Variants in ABL2 observed in about 807,000 individuals in gnomAD.
ABL2 encodes ABL proto-oncogene 2, non-receptor tyrosine kinase.
ABL2 carries 49 observed loss-of-function variants against 107.7 expected under a neutral mutation model. The ratio of observed to expected loss-of-function variants is 0.45; its 90% CI spans 0.36 to 0.58. The LOEUF is 0.58. Among genes scored for constraint, ABL2 ranks in the 20% least tolerant of loss-of-function variants. The probability of loss-of-function intolerance (pLI) is 0.00; values close to 1 mark genes in which losing one functional copy is unlikely to be tolerated. For missense variants in ABL2, 1,245 were observed against 1,457.0 expected, an observed-to-expected ratio of 0.85 and a Z score of 2.37; for synonymous variants, 549 against 548.6, an observed-to-expected ratio of 1.00 and a Z score of -0.01.
chr1:179,201,985 C>T (rs1205652283), intron 1 of ABL2: 6 of 1,029,560 alleles, frequency 5.8e-6, no homozygotes, highest in African/African-American at 1.7e-5. Context: ...CGAGGAACAG[C>T]AGGAGAGGAG....
At chr1:179,191,865 TACTC>T (rs1431840720) in intron 1 of ABL2, among the ~76,000 whole-genome samples, 6 of 152,220 alleles carry the variant, frequency 3.9e-5, no homozygotes, top group Admixed American at 3.3e-4. Flanking sequence ...ATGGAACAAT[TACTC>T]AATTGAAATG....
intron 1 of ABL2, among the ~76,000 whole-genome samples, chr1:179,204,184 G>A (rs778050371): frequency 2.6e-5 from 4 of 151,748 alleles, no homozygotes; most frequent in East Asian, 3.9e-4. Flanking sequence ...GCGCCATCAC[G>A]CCCAGCTAAT....
At chr1:179,200,755 G>A (rs1156691346) in intron 1 of ABL2, among the ~76,000 whole-genome samples, 2 of 152,164 alleles carry the variant, frequency 1.3e-5, no homozygotes, top group African/African-American at 4.8e-5. Context: ...GCACATAGTT[G>A]TACTCATGGC....
intron 1 of ABL2, among the ~76,000 whole-genome samples, chr1:179,136,328 G>A (rs755765441): frequency 0.022 from 3,323 of 151,858 alleles, 66 homozygotes; most frequent in Middle Eastern, 0.054. Flanking sequence ...TGTAGAAAGA[G>A]GTAGACATGG....
In ABL2 at chr1:179,106,507, G is replaced by A. The variant is rs1355117176; in HGVS notation, c.*1211C>T. The A allele has an allele frequency of 4.3e-6, 1 of 232,980 alleles. No homozygotes were observed. Among genetic ancestry groups the A allele is most frequent in the African/African-American group, 2.2e-5 (1 of 45,332 alleles). The allele number at this position is 232,980 out of a possible 1,614,324, so 14.4% of individuals were successfully genotyped here. A position where few individuals can be genotyped will look rare whatever the true frequency, so the allele number is the denominator to read the frequency against. On this transcript the variant is annotated 3_prime_UTR_variant, in exon 12 of 12. Transcript: ENST00000502732. ...TGGGTGGGGGAGTAGGGAGGAATAT[G>A]TGAGAGAAGAAAAGCATGTGAGAAT...
intron 8 of ABL2, 86 bp from the exon 9 acceptor site, chr1:179,115,116 G>T (rs1346043157): frequency 1.5e-6 from 2 of 1,331,714 alleles, no homozygotes. Context: ...TCATATTTTA[G>T]GTAACATTCA....
chr1:179,143,087 G>C (rs531703693), intron 1 of ABL2: 1 of 1,601,892 alleles, frequency 6.2e-7, no homozygotes, highest in Non-Finnish European at 8.5e-7. Context: ...TCTGTGTAAA[G>C]AGGAAGTCTT....
chr1:179,132,525 GATTATT>G (rs28914514), intron 2 of ABL2, among the ~76,000 whole-genome samples: 3 of 151,378 alleles, frequency 2.0e-5, no homozygotes, highest in Admixed American at 6.6e-5. Context: ...TGATTATTAT[GATTATT>G]ATTATTATTA....
rs769266022 is a variant in ABL2 at position 179,109,429 on chromosome 1, C to T, written c.1838G>A (p.Gly613Asp). The T allele has an allele frequency of 1.1e-5, 17 of 1,611,390 alleles. No individual in the cohort carries two copies. Among genetic ancestry groups the T allele is most frequent in the Admixed American group, 3.4e-5 (2 of 59,400 alleles). ...TGGGGATCCACTAGAGGCCTGTGCA[C>T]CTCTGATGAACCCTGATGAGAAATG... is the stretch of plus-strand genomic sequence containing the variant. ...ASSLAPGFIR[G>D]AQASSGSPAL... The change falls in exon 12 of 12, where the codon GGT becomes GAT. Residue 613 changes from glycine to aspartate, a missense_variant. This residue lies in a region of ABL2 where 761 missense variants were observed against 766.4 expected (regional missense o/e 0.99). Coordinates refer to ENST00000502732, the MANE Select transcript of ABL2 (RefSeq NM_007314.4).
chr1:179,125,168 G>C (rs1655620280), intron 4 of ABL2, among the ~76,000 whole-genome samples: 1 of 152,194 alleles, frequency 6.6e-6, no homozygotes, highest in Non-Finnish European at 1.5e-5. Context: ...GCACTGCCTA[G>C]TAATAGAAAC....
At position 179,106,686 on chromosome 1, in the gene ABL2, A is replaced by G. The variant is rs2102569272; in HGVS notation, c.*1032T>C. ...TTTTCCTCTCAGTCACATACAGGCC[A>G]CTGGGTTTCAAGAAAAGACCATCTC... On this transcript the variant is annotated 3_prime_UTR_variant, in exon 12 of 12. Transcript: ENST00000502732. 4.3e-6 allele frequency: 1 copy of G among 232,168 alleles called. No individual in the cohort carries two copies. The highest frequency in any genetic ancestry group is 1.8e-4 in the South Asian group (1 of 5,516). 14.4% of individuals were successfully genotyped at this position (232,168 alleles called of 1,614,324 possible).
rs551679786 is a variant in ABL2 at position 179,179,101 on chromosome 1, G to A, written c.158-45727C>T. On this transcript the variant is annotated intron_variant, in intron 1 of 11. Transcript: ENST00000502732. ...ATTAACAACAGTTACATCCTAAGCA[G>A]GAATACAATTTAATGAGTCACCAGT... is the stretch of plus-strand genomic sequence containing the variant. Among the ~76,000 whole-genome samples, 5 of 152,220 alleles carry A rather than the reference G, an allele frequency of 3.3e-5. No individual in the cohort carries two copies. The East Asian group carries it at 9.7e-4, about 29-fold the overall frequency.
chr1:179,229,407 C>T lies in ABL2; in HGVS notation c.-10G>A, dbSNP rs2124889467. The T allele has an allele frequency of 6.7e-7, 1 of 1,501,550 alleles. No individual in the cohort carries two copies. The highest frequency in any genetic ancestry group is 8.8e-7 in the Non-Finnish European group (1 of 1,136,068). The allele number at this position is 1,501,550 out of a possible 1,614,324, so 93.0% of individuals were successfully genotyped here. ...CCACCTGCTGCCCCATCCCTGCTCTCGCGTACTCCCGCGCCCCCGCCGACC... is the reference window on the plus strand; with the variant it reads ...CCACCTGCTGCCCCATCCCTGCTCTTGCGTACTCCCGCGCCCCCGCCGACC... On this transcript the variant is annotated 5_prime_UTR_variant, in exon 1 of 12. Transcript: ENST00000502732.
Position 179,126,297 on chromosome 1 carries a change from T to C in ABL2, c.687+80A>G. On this transcript the variant is annotated intron_variant, in intron 4 of 11. Coordinates refer to ENST00000502732, the MANE Select transcript of ABL2 (RefSeq NM_007314.4). The surrounding 1 kb of genome is among the most constrained non-coding windows in gnomAD (Gnocchi z 4.4). ...TATTTCACGTCAGACATAAAATCTATTATTTCACTTCAATCACGTTGAATA... is the reference window on the plus strand; with the variant it reads ...TATTTCACGTCAGACATAAAATCTACTATTTCACTTCAATCACGTTGAATA... 2.8e-6 allele frequency: 4 copies of C among 1,451,398 alleles called. No individual in the cohort carries two copies. The highest frequency in any genetic ancestry group is 3.8e-6 in the Non-Finnish European group (4 of 1,066,160). The allele number at this position is 1,451,398 out of a possible 1,614,324, so 89.9% of individuals were successfully genotyped here.
chr1:179,139,691 C>T (rs771525476), intron 1 of ABL2, among the ~76,000 whole-genome samples: 5 of 152,134 alleles, frequency 3.3e-5, no homozygotes, highest in Non-Finnish European at 7.4e-5. Flanking sequence ...AGGTCTGTGG[C>T]CTGTTAGGAA....
In ABL2 at chr1:179,126,580, T is replaced by C; in HGVS notation, c.484A>G (p.Ile162Val). Residue 162 changes from isoleucine to valine, a missense_variant, in exon 4 of 12, where the codon ATC becomes GTC. Ile to Val is a conservative substitution (Grantham distance 29). Around this residue, in one of 3 missense-constraint regions of ABL2, gnomAD observed 320 missense variants for 547.0 expected, o/e 0.59. Coordinates refer to ENST00000502732, the MANE Select transcript of ABL2 (RefSeq NM_007314.4). This position sits in a 1 kb window ranked among gnomAD's most constrained non-coding sequence, Gnocchi z 4.4. The stretch of plus-strand genomic sequence containing the variant: ...TTTTCCAGGCTGTTCACTGGGGTGA[T>C]GTAGTTGCTTGGCACCCAGCCCTGC... ...NGQGWVPSNY[I>V]TPVNSLEKHS... 6.2e-7 allele frequency: 1 copy of C among 1,614,176 alleles called. No homozygotes were observed. Among genetic ancestry groups the C allele is most frequent in the Non-Finnish European group, 8.5e-7 (1 of 1,180,028 alleles).
chr1:179,126,754 A>C lies in ABL2; in HGVS notation c.392-82T>G. On this transcript the variant is annotated intron_variant, in intron 3 of 11. Transcript: ENST00000502732. This position sits in a 1 kb window ranked among gnomAD's most constrained non-coding sequence, Gnocchi z 4.4. ...GAAGCAGTGTACTGTCAAACTTTAA[A>C]CTCATTAAAAAAAAAAAAGAATCTA... 1 of 1,314,418 alleles carries C rather than the reference A, an allele frequency of 7.6e-7. No homozygotes were observed. The highest frequency in any genetic ancestry group is 2.5e-5 in the East Asian group (1 of 39,978). 81.4% of individuals were successfully genotyped at this position (1,314,418 alleles called of 1,614,324 possible).
intron 1 of ABL2, among the ~76,000 whole-genome samples, chr1:179,155,220 G>A (rs1336080938): frequency 1.3e-5 from 2 of 152,124 alleles, no homozygotes; most frequent in Admixed American, 1.3e-4. Context: ...AAACAGCCAG[G>A]CCCCAAAGTC....
intron 1 of ABL2, among the ~76,000 whole-genome samples, chr1:179,206,008 C>T (rs921375136): frequency 6.6e-6 from 1 of 152,138 alleles, no homozygotes; most frequent in African/African-American, 2.4e-5. Context: ...TCATTATCAT[C>T]TCTATTTTAC....
Sources: allele counts gnomAD v4.1 joint callset (sites outside exome capture counted in the v4.1 genomes callset), GRCh38; gene constraint gnomAD v4.1.1; regional missense constraint gnomAD v4.1.1; non-coding constraint Gnocchi (gnomAD v3.1); transcripts MANE v1.5; gene names NCBI Gene and HGNC (gene_info 2026-07-23, HGNC 2026-07-21).